AK5: variants seen among roughly 807,000 people sequenced by gnomAD.
The protein encoded by AK5 is adenylate kinase 5, also known as adenylate kinase isoenzyme 5.
AK5 carries 27 observed loss-of-function variants against 69.5 expected under a neutral mutation model. That is an observed-to-expected ratio of 0.39 (90% CI 0.29 to 0.54). AK5 has a LOEUF of 0.54. AK5 is among the 20% of genes least tolerant of loss of function. AK5 has a pLI of 0.71. For missense variants in AK5, 531 were observed against 700.4 expected, an observed-to-expected ratio of 0.76 and a Z score of 2.73; for synonymous variants, 260 against 244.4, an observed-to-expected ratio of 1.06 and a Z score of -0.60.
intron 8 of AK5, among the ~76,000 whole-genome samples, chr1:77,457,511 T>G (rs974486936): frequency 6.6e-6 from 1 of 152,210 alleles, no homozygotes; most frequent in Non-Finnish European, 1.5e-5. Flanking sequence ...TCTATTGAGT[T>G]TATTTCAGCT....
At chr1:77,545,894 T>C (rs1401049804) in intron 13 of AK5, among the ~76,000 whole-genome samples, 1 of 152,186 alleles carries the variant, frequency 6.6e-6, no homozygotes, top group Admixed American at 6.5e-5. Context: ...AGAGAGTGAC[T>C]TAGAGGAACC....
intron 12 of AK5, among the ~76,000 whole-genome samples, chr1:77,524,646 C>T (rs1382083030): frequency 2.0e-5 from 3 of 152,102 alleles, no homozygotes; most frequent in Non-Finnish European, 4.4e-5. Context: ...ATAGTAACTC[C>T]TTATCAGATA....
Position 77,417,685 on chromosome 1 carries a change from C to T in AK5, c.1029C>T (p.Ile343=). ...DPSMILDTGE[I]IDTGSDYEDQ... The stretch of plus-strand genomic sequence containing the variant: ...CGATGATATTGGACACTGGAGAGAT[C>T]ATTGATACAGGATCTGATTATGAAG... Residue 343 remains isoleucine, a synonymous_variant, in exon 8 of 14, where the codon ATC becomes ATT. Coordinates refer to ENST00000354567, the MANE Select transcript of AK5 (RefSeq NM_174858.3). 6.2e-7 allele frequency: 1 copy of T among 1,607,560 alleles called. No individual in the cohort carries two copies.
intron 11 of AK5, among the ~76,000 whole-genome samples, chr1:77,520,995 C>T (rs571450803): frequency 2.6e-5 from 4 of 152,292 alleles, no homozygotes; most frequent in Admixed American, 2.6e-4. Context: ...CTTCATTTAC[C>T]ATAGCACTTG....
intron 8 of AK5, among the ~76,000 whole-genome samples, chr1:77,475,416 T>TA (rs1204087174): frequency 2.7e-4 from 1 of 3,752 alleles, no homozygotes; most frequent in African/African-American, 3.6e-4. Flanking sequence ...TGTATATATA[T>TA]ACTATATATT....
chr1:77,548,813 ATAT>A (rs1341979968), intron 13 of AK5, among the ~76,000 whole-genome samples: 2 of 151,872 alleles, frequency 1.3e-5, no homozygotes, highest in African/African-American at 4.8e-5. Flanking sequence ...TTGGGTAGAA[ATAT>A]TATCACTGAC....
intron 6 of AK5, among the ~76,000 whole-genome samples, chr1:77,403,710 T>G (rs1649410221): frequency 6.6e-6 from 1 of 152,236 alleles, no homozygotes; most frequent in Admixed American, 6.5e-5. Context: ...CCTTGTAGTA[T>G]AGTTTGAAGT....
chr1:77,286,275 G>A (rs1351145551), intron 1 of AK5, among the ~76,000 whole-genome samples: 2 of 151,364 alleles, frequency 1.3e-5, no homozygotes, highest in African/African-American at 4.9e-5. Flanking sequence ...CATAAAGGGT[G>A]GGTAGGAGTG....
chr1:77,371,108 A>AT (rs1407508601), intron 6 of AK5, among the ~76,000 whole-genome samples: 2 of 152,020 alleles, frequency 1.3e-5, no homozygotes, highest in African/African-American at 4.8e-5. Flanking sequence ...CTCCCTTTCC[A>AT]TTTGCATGTC....
At chr1:77,288,429 C>T (rs1056474847) in intron 2 of AK5, among the ~76,000 whole-genome samples, 1 of 152,046 alleles carries the variant, frequency 6.6e-6, no homozygotes, top group Non-Finnish European at 1.5e-5. Flanking sequence ...ACAGACAGAA[C>T]CTGAAATGGA....
chr1:77,420,555 A>G (rs1459766729), intron 8 of AK5, among the ~76,000 whole-genome samples: 2 of 152,230 alleles, frequency 1.3e-5, no homozygotes, highest in Non-Finnish European at 1.5e-5. Flanking sequence ...GATCCTTACA[A>G]TAACTCAAGA....
chr1:77,367,739 T>TTATATGTTATA (rs1380937821), intron 6 of AK5, among the ~76,000 whole-genome samples: 988 of 11,646 alleles, frequency 0.085, 337 homozygotes, highest in East Asian at 0.16. Context: ...TATATATACG[T>TTATATGTTATA]TATATGTTAT....
chr1:77,496,833 A>G (rs1016483682), intron 10 of AK5, among the ~76,000 whole-genome samples: 8 of 152,194 alleles, frequency 5.3e-5, no homozygotes, highest in Non-Finnish European at 1.2e-4. Context: ...CATTCTGTAA[A>G]ATGGACCAAT....
At chr1:77,391,483 ATGTGTGTGTG>A (rs377483838) in intron 6 of AK5, among the ~76,000 whole-genome samples, 8 of 92,484 alleles carry the variant, frequency 8.7e-5, no homozygotes, top group African/African-American at 3.8e-4. Context: ...GTGTGTGTGT[ATGTGTGTGTG>A]TGTATATATA....
At chr1:77,497,081 T>G (rs1272664824) in intron 10 of AK5, among the ~76,000 whole-genome samples, 2 of 152,212 alleles carry the variant, frequency 1.3e-5, no homozygotes, top group Non-Finnish European at 2.9e-5. Flanking sequence ...TGCTGATCAC[T>G]TTTTGGGTCT....
At chr1:77,474,968 T>A (rs1654754333) in intron 8 of AK5, among the ~76,000 whole-genome samples, 1 of 151,658 alleles carries the variant, frequency 6.6e-6, no homozygotes, top group African/African-American at 2.4e-5. Context: ...TGTCTAGCTA[T>A]TTTTTTAACT....
intron 12 of AK5, among the ~76,000 whole-genome samples, chr1:77,533,519 A>AACAAAC (rs1168955677): frequency 1.1e-4 from 16 of 148,034 alleles, no homozygotes; most frequent in South Asian, 1.1e-3. Context: ...CAAAAAAAAA[A>AACAAAC]AAAAAAAAAA....
rs545633963 is a variant in AK5 at position 77,472,119 on chromosome 1, C to A, written c.1060-11198C>A. On this transcript the variant is annotated intron_variant, in intron 8 of 13. Transcript: ENST00000354567. ...TAAGCAGTATTCAGTGAACTTGCTGCCTGCCACCTGCAAGTAACCTAGCTA... is the reference window on the plus strand; with the variant it reads ...TAAGCAGTATTCAGTGAACTTGCTGACTGCCACCTGCAAGTAACCTAGCTA... Among the ~76,000 whole-genome samples, 51 of 152,308 alleles carry A rather than the reference C, an allele frequency of 3.3e-4. No individual in the cohort carries two copies. In the South Asian group the frequency reaches 3.5e-3, roughly 11 times the overall value.
rs373112277 is a variant in AK5 at position 77,558,695 on chromosome 1, A to C, written c.*25A>C. On this transcript the variant is annotated 3_prime_UTR_variant, in exon 14 of 14. Coordinates refer to ENST00000354567, the MANE Select transcript of AK5 (RefSeq NM_174858.3). ...AAGGCAAAAATGCATGTTTGTTAGAATGGAAACAGAAAAACATTAAAAAGT... is the reference window on the plus strand; with the variant it reads ...AAGGCAAAAATGCATGTTTGTTAGACTGGAAACAGAAAAACATTAAAAAGT... The C allele has an allele frequency of 6.8e-6, 10 of 1,461,394 alleles. No homozygotes were observed. In the African/African-American group the frequency reaches 1.2e-4, roughly 18 times the overall value. The allele number at this position is 1,461,394 out of a possible 1,614,324, so 90.5% of individuals were successfully genotyped here. A position where few individuals can be genotyped will look rare whatever the true frequency, so the allele number is the denominator to read the frequency against.
Sources: allele counts gnomAD v4.1 joint callset (sites outside exome capture counted in the v4.1 genomes callset), GRCh38; gene constraint gnomAD v4.1.1; transcripts MANE v1.5; gene names NCBI Gene and HGNC (gene_info 2026-07-23, HGNC 2026-07-21).